GLIS3: variants seen among roughly 807,000 people sequenced by gnomAD.
GLIS3 encodes the protein GLIS family zinc finger 3, also known as zinc finger protein GLIS3.
GLIS3 carries 53 observed loss-of-function variants against 78.6 expected under a neutral mutation model. The ratio of observed to expected loss-of-function variants is 0.67; its 90% CI spans 0.54 to 0.85. GLIS3 has a LOEUF of 0.85. Among genes scored for constraint, GLIS3 ranks in the 40% least tolerant of loss-of-function variants. The probability of loss-of-function intolerance (pLI) is 0.00; values close to 1 mark genes in which losing one functional copy is unlikely to be tolerated. For synonymous variants in GLIS3, 684 were observed against 509.9 expected (o/e 1.34, Z -4.60); for missense variants, 1,703 against 1,231.1 (o/e 1.38, Z -5.74).
intron 1 of GLIS3, among the ~76,000 whole-genome samples, chr9:4,288,995 A>C (rs1828229135): frequency 2.0e-5 from 3 of 152,202 alleles, no homozygotes; most frequent in Admixed American, 1.3e-4. Context: ...TTTATATGAT[A>C]ATATTTTCTA....
In GLIS3 at chr9:3,825,665, G is replaced by A. The variant is rs1017042173; in HGVS notation, c.*2607C>T. Reference sequence around the variant, plus strand: ...TGAATATATATATAAATCTTCTGCAGTGTGAAAGTAAGCAAGGGACAAATT... The same window carrying A: ...TGAATATATATATAAATCTTCTGCAATGTGAAAGTAAGCAAGGGACAAATT... On this transcript the variant is annotated 3_prime_UTR_variant, in exon 11 of 11. Coordinates refer to ENST00000381971, the MANE Select transcript of GLIS3 (RefSeq NM_001042413.2). The A allele has an allele frequency of 6.6e-6, 1 of 152,180 alleles. No homozygotes were observed. The highest frequency in any genetic ancestry group is 1.5e-5 in the Non-Finnish European group (1 of 68,034). 9.4% of individuals were successfully genotyped at this position (152,180 alleles called of 1,614,324 possible). A position where few individuals can be genotyped will look rare whatever the true frequency, so the allele number is the denominator to read the frequency against.
At chr9:3,830,207 A>C (rs916941696) in intron 9 of GLIS3, among the ~76,000 whole-genome samples, 1 of 148,418 alleles carries the variant, frequency 6.7e-6, no homozygotes, top group East Asian at 2.0e-4. Context: ...TATTCCTTTC[A>C]ATTTTTTTTC....
At chr9:4,247,289 G>A (rs1823892170) in intron 2 of GLIS3, among the ~76,000 whole-genome samples, 1 of 152,154 alleles carries the variant, frequency 6.6e-6, no homozygotes, top group Non-Finnish European at 1.5e-5. Context: ...TGAAAGTACG[G>A]TTGTTTTAAA....
At chr9:4,052,469 G>C (rs940634998) in intron 4 of GLIS3, among the ~76,000 whole-genome samples, 2 of 152,040 alleles carry the variant, frequency 1.3e-5, no homozygotes, top group Admixed American at 1.3e-4. Flanking sequence ...AAGCCCTATA[G>C]CCATTTAGCC....
At chr9:4,187,361 G>A (rs1817902597) in intron 2 of GLIS3, among the ~76,000 whole-genome samples, 1 of 152,148 alleles carries the variant, frequency 6.6e-6, no homozygotes, top group South Asian at 2.1e-4. Flanking sequence ...CTATCTCTCT[G>A]TTTTGGTACC....
At chr9:4,236,809 T>C (rs1822792902) in intron 2 of GLIS3, among the ~76,000 whole-genome samples, 1 of 152,202 alleles carries the variant, frequency 6.6e-6, no homozygotes, top group Non-Finnish European at 1.5e-5. Flanking sequence ...ATCTATTACA[T>C]AAGACAATGC....
chr9:4,119,021 C>G (rs1432158434), intron 3 of GLIS3, 140 bp from the exon 4 acceptor site: 2 of 911,748 alleles, frequency 2.2e-6, no homozygotes, highest in African/African-American at 1.7e-5. Context: ...AACACACATT[C>G]TTGGGCTAAG....
At chr9:3,889,131 C>A (rs929330034) in intron 7 of GLIS3, among the ~76,000 whole-genome samples, 1 of 152,186 alleles carries the variant, frequency 6.6e-6, no homozygotes, top group Non-Finnish European at 1.5e-5. Flanking sequence ...AAAACCAGGA[C>A]TGCCCCTGCC....
chr9:4,244,054 A>T (rs1056674162), intron 2 of GLIS3, among the ~76,000 whole-genome samples: 12 of 152,190 alleles, frequency 7.9e-5, no homozygotes, highest in African/African-American at 2.9e-4. Flanking sequence ...ACAAACACTT[A>T]AAATTTCCTT....
chr9:3,983,118 A>T lies in GLIS3; in HGVS notation c.1711-45929T>A, dbSNP rs144170529. On this transcript the variant is annotated intron_variant, in intron 4 of 10. Transcript: ENST00000381971. ...TGTGTCAGGAGAGGAACATGGTGAG[A>T]GGTGACTGAATTATGGGGTGGGTCT... 4.9e-3 allele frequency among the ~76,000 whole-genome samples: 753 copies of T among 152,292 alleles called. 3 individuals are homozygous for T. Among genetic ancestry groups the T allele is most frequent in the African/African-American group, 0.017 (704 of 41,582 alleles).
intron 9 of GLIS3, among the ~76,000 whole-genome samples, chr9:3,834,160 C>G (rs1244146850): frequency 6.6e-6 from 1 of 152,080 alleles, no homozygotes; most frequent in African/African-American, 2.4e-5. Flanking sequence ...TTCTTTTAGT[C>G]ACGGAGTCAC....
intron 4 of GLIS3, among the ~76,000 whole-genome samples, chr9:3,970,879 T>A (rs967899023): frequency 2.0e-5 from 3 of 151,874 alleles, no homozygotes; most frequent in Admixed American, 2.0e-4. Context: ...AGGCACAACA[T>A]TGGCTGTATT....
the GLIS3 span, among the ~76,000 whole-genome samples, chr9:4,434,988 C>T: frequency 6.6e-6 from 1 of 152,118 alleles, no homozygotes; most frequent in African/African-American, 2.4e-5. Flanking sequence ...TGTCAGGTAC[C>T]AAATTGTATG....
At position 3,871,520 on chromosome 9, in the gene GLIS3, G is replaced by A. The variant is rs544527464; in HGVS notation, c.2297+7907C>T. Among the ~76,000 whole-genome samples the A allele has an allele frequency of 3.3e-4, 51 of 152,288 alleles. 1 individual carries two copies. The highest frequency in any genetic ancestry group is 1.1e-3 in the African/African-American group (46 of 41,556). On this transcript the variant is annotated intron_variant, in intron 8 of 10. Transcript: ENST00000381971. The stretch of plus-strand genomic sequence containing the variant: ...CACATCTTCTGAAATCTAGACAGAC[G>A]TTCCCAAACCTCAGTTCTTGACTTC...
intron 4 of GLIS3, chr9:4,035,793 C>T (rs191358565): frequency 8.5e-5 from 13 of 152,466 alleles, no homozygotes; most frequent in African/African-American, 1.7e-4. Flanking sequence ...TTGACCCAAA[C>T]GATTGTATCC....
At chr9:4,157,312 A>G (rs1835113728) in intron 2 of GLIS3, among the ~76,000 whole-genome samples, 1 of 152,192 alleles carries the variant, frequency 6.6e-6, no homozygotes, top group African/African-American at 2.4e-5. Flanking sequence ...TGTGACTTAC[A>G]GTGAACACCA....
chr9:4,101,656 G>T (rs545951135), intron 4 of GLIS3, among the ~76,000 whole-genome samples: 13 of 152,112 alleles, frequency 8.5e-5, no homozygotes, highest in Non-Finnish European at 1.6e-4. Context: ...GATTCAGAAA[G>T]CTGTTTGTTT....
intron 2 of GLIS3, among the ~76,000 whole-genome samples, chr9:4,207,975 C>T (rs1167334980): frequency 2.0e-5 from 3 of 152,142 alleles, no homozygotes; most frequent in African/African-American, 4.8e-5. Flanking sequence ...TTGGGGGTAG[C>T]GGTGTGCTTT....
At chr9:4,000,454 G>C (rs1279274037) in intron 4 of GLIS3, among the ~76,000 whole-genome samples, 1 of 152,000 alleles carries the variant, frequency 6.6e-6, no homozygotes, top group African/African-American at 2.4e-5. Flanking sequence ...CTCTGAAATT[G>C]GATGTTGGAT....
Sources: allele counts gnomAD v4.1 joint callset (sites outside exome capture counted in the v4.1 genomes callset), GRCh38; gene constraint gnomAD v4.1.1; transcripts MANE v1.5; gene names NCBI Gene and HGNC (gene_info 2026-07-23, HGNC 2026-07-21).